The following KLHL32 variants were observed in gnomAD, a reference collection of about 807,000 sequenced individuals.
The protein encoded by KLHL32 is kelch like family member 32.
Under a neutral mutation model 64.8 loss-of-function variants are expected in KLHL32, and 35 were observed. The observed-to-expected ratio is 0.54, with a 90% CI of 0.41 to 0.72. The LOEUF (loss-of-function observed/expected upper bound fraction) is 0.72, where lower values mean the gene tolerates loss of function less well. Among genes scored for constraint, KLHL32 ranks in the 30% least tolerant of loss-of-function variants. The pLI is 0.00. For synonymous variants in KLHL32, 259 were observed against 281.0 expected (o/e 0.92, Z 0.78); for missense variants, 589 against 768.5 (o/e 0.77, Z 2.76).
At chr6:97,077,012 G>A (rs922474173) in intron 5 of KLHL32, among the ~76,000 whole-genome samples, 1 of 152,032 alleles carries the variant, frequency 6.6e-6, no homozygotes, top group Non-Finnish European at 1.5e-5. Context: ...ATCAAAACTT[G>A]CTAGGTAGCC....
At chr6:97,118,283 G>A (rs1798005172) in intron 7 of KLHL32, among the ~76,000 whole-genome samples, 1 of 151,994 alleles carries the variant, frequency 6.6e-6, no homozygotes, top group Non-Finnish European at 1.5e-5. Context: ...AAATATAATT[G>A]CCTTATCTTT....
At chr6:96,983,831 C>G (rs774631516) in intron 3 of KLHL32, among the ~76,000 whole-genome samples, 30 of 152,096 alleles carry the variant, frequency 2.0e-4, no homozygotes, top group Non-Finnish European at 3.8e-4. Flanking sequence ...AAGAAACCAC[C>G]TCCTGGATTC....
chr6:97,035,142 G>GT (rs1207919884), intron 3 of KLHL32, among the ~76,000 whole-genome samples: 3 of 151,876 alleles, frequency 2.0e-5, no homozygotes, highest in Non-Finnish European at 4.4e-5. Context: ...TCTATTATAA[G>GT]TTTTTTTCTG....
At chr6:97,060,050 T>G (rs949469956) in intron 4 of KLHL32, among the ~76,000 whole-genome samples, 1 of 152,240 alleles carries the variant, frequency 6.6e-6, no homozygotes. Context: ...ACACATGGTA[T>G]GTGTGTTTAC....
intron 1 of KLHL32, among the ~76,000 whole-genome samples, chr6:96,962,992 A>G (rs1774037809): frequency 6.6e-6 from 1 of 152,206 alleles, no homozygotes; most frequent in South Asian, 2.1e-4. Context: ...ACAGTAGCTG[A>G]ACTTTTACAC....
intron 6 of KLHL32, among the ~76,000 whole-genome samples, chr6:97,097,127 C>A (rs184566591): frequency 2.6e-5 from 4 of 152,198 alleles, no homozygotes; most frequent in South Asian, 2.1e-4. Flanking sequence ...GGGAAAAAAA[C>A]CACGCAAATT....
rs777892476 is a variant in KLHL32 at position 96,976,077 on chromosome 6, A to G, written c.104A>G (p.Gln35Arg). The G allele has an allele frequency of 6.2e-6, 10 of 1,610,368 alleles. No homozygotes were observed. The highest frequency in any genetic ancestry group is 6.8e-6 in the Non-Finnish European group (8 of 1,177,522). The change falls in exon 3 of 11, where the codon CAG (glutamine) becomes CGG (arginine). Residue 35 changes from glutamine (Q) to arginine (R), a missense_variant. This residue lies in a region of KLHL32 where 191 missense variants were observed against 223.3 expected (regional missense o/e 0.86). Coordinates refer to ENST00000369261, the MANE Select transcript of KLHL32 (RefSeq NM_052904.4). ...AGTGTCCTGGCAGCGCTGAATCAGC[A>G]GAGGAGTGATGGCATCCTCTGCGAC... ...NDSVLAALNQ[Q>R]RSDGILCDIT...
chr6:97,120,113 G>A (rs529146378), intron 7 of KLHL32, among the ~76,000 whole-genome samples: 13 of 152,266 alleles, frequency 8.5e-5, no homozygotes, highest in Non-Finnish European at 1.8e-4. Context: ...CAGGAACAGT[G>A]AAGAGTCCTG....
intron 6 of KLHL32, among the ~76,000 whole-genome samples, chr6:97,086,894 A>AT (rs1323611137): frequency 1.3e-5 from 2 of 152,184 alleles, no homozygotes; most frequent in Admixed American, 6.5e-5. Flanking sequence ...CCTGCATTTA[A>AT]TTTTTTCTAA....
At chr6:96,942,652 G>GGGGT (rs781323354) in intron 1 of KLHL32, among the ~76,000 whole-genome samples, 20 of 88,852 alleles carry the variant, frequency 2.3e-4, no homozygotes, top group African/African-American at 9.6e-4. Context: ...CTACAGCTGT[G>GGGGT]GGGTGTGTGT....
At chr6:96,952,370 G>GT (rs1772730371) in intron 1 of KLHL32, among the ~76,000 whole-genome samples, 1 of 152,154 alleles carries the variant, frequency 6.6e-6, no homozygotes. Flanking sequence ...CTTAACTCTT[G>GT]TTTTTATGAA....
chr6:96,914,359 T>G, the KLHL32 span, among the ~76,000 whole-genome samples: 1 of 152,270 alleles, frequency 6.6e-6, no homozygotes, highest in East Asian at 1.9e-4. Context: ...AAGTCCTTGC[T>G]TAACTTTGAC....
chr6:96,991,466 G>A (rs889848058), intron 3 of KLHL32, among the ~76,000 whole-genome samples: 3 of 152,052 alleles, frequency 2.0e-5, no homozygotes, highest in African/African-American at 7.3e-5. Flanking sequence ...CATCGCAGCT[G>A]TAATGGCAGA....
At chr6:96,976,800 A>G (rs949846996) in intron 3 of KLHL32, among the ~76,000 whole-genome samples, 4 of 151,892 alleles carry the variant, frequency 2.6e-5, no homozygotes, top group Non-Finnish European at 4.4e-5. Context: ...GGTCTCACCA[A>G]GTTGGCCAGG....
At position 97,139,419 on chromosome 6, in the gene KLHL32, C is replaced by G. The variant is rs1001403735; in HGVS notation, c.*137C>G. 9 of 735,392 alleles carry G rather than the reference C, an allele frequency of 1.2e-5. No individual in the cohort carries two copies. In the East Asian group the frequency reaches 2.4e-4, roughly 20 times the overall value. The allele number at this position is 735,392 out of a possible 1,614,324, so 45.6% of individuals were successfully genotyped here. ...CGGATAAATTTAAGCAAAAAATGAA[C>G]AATTTTCTAAAATACGTTATTGAAA... On this transcript the variant is annotated 3_prime_UTR_variant, in exon 11 of 11. Coordinates refer to ENST00000369261, the MANE Select transcript of KLHL32 (RefSeq NM_052904.4).
At chr6:96,965,025 T>C (rs966833734) in intron 1 of KLHL32, among the ~76,000 whole-genome samples, 1 of 152,184 alleles carries the variant, frequency 6.6e-6, no homozygotes, top group Admixed American at 6.5e-5. Flanking sequence ...TCCCCAATGT[T>C]TGTGTTTCCT....
At chr6:97,048,803 T>A (rs1202968320) in intron 4 of KLHL32, among the ~76,000 whole-genome samples, 4 of 152,188 alleles carry the variant, frequency 2.6e-5, no homozygotes, top group African/African-American at 9.6e-5. Flanking sequence ...ATGGAGAAAG[T>A]CTCTGTCGGA....
intron 5 of KLHL32, among the ~76,000 whole-genome samples, chr6:97,072,042 T>C (rs1240206379): frequency 6.6e-6 from 1 of 152,148 alleles, no homozygotes; most frequent in Non-Finnish European, 1.5e-5. Flanking sequence ...TTGTCTTAGC[T>C]CCAGGCCAGC....
At chr6:97,083,951 A>G (rs1260732422) in intron 5 of KLHL32, among the ~76,000 whole-genome samples, 16 of 151,954 alleles carry the variant, frequency 1.1e-4, no homozygotes, top group Admixed American at 6.5e-5. Flanking sequence ...CTTAAGACTC[A>G]CAAAGCCCAT....
Sources: allele counts gnomAD v4.1 joint callset (sites outside exome capture counted in the v4.1 genomes callset), GRCh38; gene constraint gnomAD v4.1.1; regional missense constraint gnomAD v4.1.1; transcripts MANE v1.5; gene names NCBI Gene and HGNC (gene_info 2026-07-23, HGNC 2026-07-21).